Variants in DCP1B observed in about 807,000 individuals in gnomAD.
DCP1B encodes mRNA-decapping enzyme 1B.
A neutral mutation model predicts 60.5 loss-of-function variants in DCP1B; 47 were observed. That is an observed-to-expected ratio of 0.78 (90% CI 0.61 to 0.99). The LOEUF (loss-of-function observed/expected upper bound fraction) is 0.99. Ranked by LOEUF, DCP1B falls within the 50% of genes least tolerant of loss-of-function variation. The probability of loss-of-function intolerance (pLI) is 0.00; values close to 1 mark genes in which losing one functional copy is unlikely to be tolerated. For synonymous variants in DCP1B, 267 were observed against 280.3 expected (o/e 0.95, Z 0.47); for missense variants, 725 against 756.8 (o/e 0.96, Z 0.49).
At chr12:1,944,357 C>A (rs1007335722), downstream of DCP1B, among the ~76,000 whole-genome samples, 2 of 152,186 alleles carry the variant, frequency 1.3e-5, no homozygotes, top group Non-Finnish European at 1.5e-5. Context: ...GGCCACACTG[C>A]CCAAAGTAAT....
intron 3 of DCP1B, chr12:1,992,872 A>G (rs972852222): frequency 2.2e-6 from 1 of 449,902 alleles, no homozygotes; most frequent in African/African-American, 2.0e-5. Context: ...CAAAAGTGAT[A>G]CATAAAGAAA....
chr12:1,994,575 C>T, intron 2 of DCP1B, among the ~76,000 whole-genome samples: 1 of 152,110 alleles, frequency 6.6e-6, no homozygotes, highest in East Asian at 1.9e-4. Context: ...AAATGTACTC[C>T]CAAAGAGCTC....
At chr12:1,961,658 T>C (rs1332492815) in intron 5 of DCP1B, among the ~76,000 whole-genome samples, 2 of 152,174 alleles carry the variant, frequency 1.3e-5, no homozygotes, top group African/African-American at 2.4e-5. Context: ...AAAATAAGTT[T>C]TAAATAGTAA....
At chr12:1,983,498 T>C (rs758605085) in intron 3 of DCP1B, among the ~76,000 whole-genome samples, 28 of 152,174 alleles carry the variant, frequency 1.8e-4, no homozygotes, top group Admixed American at 1.2e-3. Context: ...TTCAGAAGTA[T>C]GCTGTTTAAT....
intron 7 of DCP1B, among the ~76,000 whole-genome samples, chr12:1,949,800 G>A (rs1018249105): frequency 3.9e-5 from 6 of 152,188 alleles, no homozygotes; most frequent in African/African-American, 7.2e-5. Context: ...CTCACTTCTC[G>A]TGGGGAGGGA....
At chr12:1,975,274 T>G (rs2033966786) in intron 3 of DCP1B, among the ~76,000 whole-genome samples, 1 of 152,158 alleles carries the variant, frequency 6.6e-6, no homozygotes, top group Non-Finnish European at 1.5e-5. Context: ...AGGCTATACA[T>G]AAGGTAATTC....
chr12:1,960,543 C>T (rs2031085013), intron 5 of DCP1B, among the ~76,000 whole-genome samples: 1 of 151,990 alleles, frequency 6.6e-6, no homozygotes, highest in Admixed American at 6.6e-5. Context: ...ATTATTTTTG[C>T]CACACAAAAA....
intron 3 of DCP1B, among the ~76,000 whole-genome samples, chr12:1,969,493 T>C (rs1429360819): frequency 6.6e-6 from 1 of 151,960 alleles, no homozygotes; most frequent in Non-Finnish European, 1.5e-5. Context: ...AACAGGACCA[T>C]TTTACTCTCT....
chr12:1,985,739 C>A (rs1328352779), intron 3 of DCP1B, among the ~76,000 whole-genome samples: 2 of 152,198 alleles, frequency 1.3e-5, no homozygotes, highest in African/African-American at 2.4e-5. Context: ...AGAAAGCAAT[C>A]AATTCAGTTA....
At chr12:1,949,921 C>A (rs1565759817) in intron 7 of DCP1B, 2 of 193,814 alleles carry the variant, frequency 1.0e-5, no homozygotes, top group Non-Finnish European at 2.1e-5. Context: ...CTGACCCGGG[C>A]GGCCTGTTGC....
At chr12:1,974,642 G>C (rs889078041) in intron 3 of DCP1B, among the ~76,000 whole-genome samples, 1 of 152,046 alleles carries the variant, frequency 6.6e-6, no homozygotes, top group Non-Finnish European at 1.5e-5. Context: ...ATAACTAATA[G>C]TACTTTGGTC....
At chr12:1,947,536 C>T (rs2030481478) in intron 8 of DCP1B, among the ~76,000 whole-genome samples, 1 of 152,116 alleles carries the variant, frequency 6.6e-6, no homozygotes, top group South Asian at 2.1e-4. Context: ...AATTTCTAAT[C>T]CGCCATGTTC....
chr12:2,002,008 CG>C (rs915135131), intron 1 of DCP1B, among the ~76,000 whole-genome samples: 3 of 152,124 alleles, frequency 2.0e-5, no homozygotes, highest in Non-Finnish European at 4.4e-5. Context: ...ATTTTGGAGG[CG>C]GGGGGCAGTC....
chr12:1,969,983 A>C (rs1326067907), intron 3 of DCP1B, among the ~76,000 whole-genome samples: 3 of 152,230 alleles, frequency 2.0e-5, no homozygotes, highest in Non-Finnish European at 2.9e-5. Flanking sequence ...CACGAGGCCC[A>C]ATGGCAGAGG....
chr12:1,960,359 T>G (rs1243163058), intron 5 of DCP1B, among the ~76,000 whole-genome samples: 1 of 152,162 alleles, frequency 6.6e-6, no homozygotes. Flanking sequence ...TGAAGCACAG[T>G]AGGCTGGTAG....
intron 7 of DCP1B, chr12:1,950,357 G>A (rs1241006193): frequency 5.7e-6 from 4 of 702,314 alleles, no homozygotes; most frequent in South Asian, 3.0e-5. Flanking sequence ...TTTCTCACTC[G>A]GCTCTTGATA....
chr12:1,958,371 A>G (rs2470447), intron 5 of DCP1B, among the ~76,000 whole-genome samples: 46,579 of 106,438 alleles, frequency 0.44, 8,235 homozygotes, highest in African/African-American at 0.62. Context: ...CTGGAAGAAG[A>G]CAGGGGAAAA....
chr12:1,974,931 G>T (rs1255108517), intron 3 of DCP1B, among the ~76,000 whole-genome samples: 5 of 152,090 alleles, frequency 3.3e-5, no homozygotes, highest in Admixed American at 6.6e-5. Flanking sequence ...TCAAAAATTT[G>T]TTCCAATGAA....
intron 3 of DCP1B, among the ~76,000 whole-genome samples, chr12:1,981,736 G>A (rs1472261390): frequency 1.3e-5 from 2 of 152,156 alleles, no homozygotes; most frequent in East Asian, 1.9e-4. Flanking sequence ...AGACATATAT[G>A]CTGCAGTGAG....
Sources: allele counts gnomAD v4.1 joint callset (sites outside exome capture counted in the v4.1 genomes callset), GRCh38; gene constraint gnomAD v4.1.1; transcripts MANE v1.5; gene names NCBI Gene and HGNC (gene_info 2026-07-23, HGNC 2026-07-21).